GABRB2: variants seen among roughly 807,000 people sequenced by gnomAD.
GABRB2 encodes gamma-aminobutyric acid receptor subunit beta-2.
In GABRB2, 16 loss-of-function variants were observed where a neutral mutation model predicts 54.7. The ratio of observed to expected loss-of-function variants is 0.29; its 90% CI spans 0.20 to 0.44. The LOEUF is 0.44. Among genes scored for constraint, GABRB2 ranks in the 20% least tolerant of loss-of-function variants. GABRB2 has a pLI of 1.00. For missense variants in GABRB2, 355 were observed against 644.0 expected, an observed-to-expected ratio of 0.55 and a Z score of 4.86; for synonymous variants, 244 against 233.8, an observed-to-expected ratio of 1.04 and a Z score of -0.40.
rs189627718 is a variant in GABRB2 at position 161,484,438 on chromosome 5, C to T, written c.238-24594G>A. ...CACTTCTCCACTGAGAAATGACCCACCTTTCAAGTACAAAAGTGGAGCAAA... is the reference window on the plus strand; with the variant it reads ...CACTTCTCCACTGAGAAATGACCCATCTTTCAAGTACAAAAGTGGAGCAAA... On this transcript the variant is annotated intron_variant, in intron 3 of 9. Transcript: ENST00000393959. 3.9e-4 allele frequency among the ~76,000 whole-genome samples: 59 copies of T among 152,030 alleles called. 2 individuals carry two copies. The highest frequency in any genetic ancestry group is 3.8e-3 in the Admixed American group (58 of 15,236).
intron 3 of GABRB2, among the ~76,000 whole-genome samples, chr5:161,481,760 G>T (rs1443724927): frequency 6.6e-6 from 1 of 151,952 alleles, no homozygotes; most frequent in Non-Finnish European, 1.5e-5. Context: ...CACAAGCTTT[G>T]AAGGCAGAGT....
intron 8 of GABRB2, 21 bp from the exon 9 acceptor site, chr5:161,326,502 T>C (rs1758367683): frequency 1.2e-6 from 2 of 1,610,752 alleles, no homozygotes; most frequent in Non-Finnish European, 1.7e-6. Flanking sequence ...AAGTAGAGAA[T>C]GTGCTAATTA....
rs570770486 is a variant in GABRB2 at position 161,444,772 on chromosome 5, T to A, written c.458+14852A>T. On this transcript the variant is annotated intron_variant, in intron 4 of 9. Coordinates refer to ENST00000393959, the MANE Select transcript of GABRB2 (RefSeq NM_001371727.1). Reference sequence around the variant, plus strand: ...TTTCTACTAGATGGGACAATCAGATTTTTTTCACCTCATTTAAACATAATA... The same window carrying A: ...TTTCTACTAGATGGGACAATCAGATATTTTTCACCTCATTTAAACATAATA... Among the ~76,000 whole-genome samples the A allele has an allele frequency of 3.3e-5, 5 of 152,274 alleles. No homozygotes were observed. The East Asian group carries it at 9.7e-4, about 29-fold the overall frequency.
intron 3 of GABRB2, among the ~76,000 whole-genome samples, chr5:161,539,701 T>G (rs1760753556): frequency 6.6e-6 from 1 of 152,244 alleles, no homozygotes; most frequent in Middle Eastern, 3.4e-3. Flanking sequence ...ACCAATAAAC[T>G]TACATGAAGG....
At chr5:161,544,031 A>T (rs1381187458) in intron 3 of GABRB2, among the ~76,000 whole-genome samples, 1 of 152,148 alleles carries the variant, frequency 6.6e-6, no homozygotes, top group Non-Finnish European at 1.5e-5. Flanking sequence ...AAATCTCGGG[A>T]TTATCTCTTA....
At chr5:161,314,095 T>G (rs1757955124) in intron 9 of GABRB2, among the ~76,000 whole-genome samples, 1 of 152,234 alleles carries the variant, frequency 6.6e-6, no homozygotes, top group African/African-American at 2.4e-5. Flanking sequence ...ACCAACATTT[T>G]CCACTAAACA....
chr5:161,413,450 T>G lies in GABRB2; in HGVS notation c.459-2393A>C, dbSNP rs952008273. On this transcript the variant is annotated intron_variant, in intron 4 of 9. Transcript: ENST00000393959. ...CCAAATTCTTATATTCTATAAATTC[T>G]ATTAAAAGTTACATTCGCATTTTAT... Among the ~76,000 whole-genome samples, 28 of 152,194 alleles carry G rather than the reference T, an allele frequency of 1.8e-4. 1 individual carries two copies. Among genetic ancestry groups the G allele is most frequent in the African/African-American group, 6.8e-4 (28 of 41,458 alleles).
intron 4 of GABRB2, among the ~76,000 whole-genome samples, chr5:161,418,827 A>G (rs1241931050): frequency 6.6e-6 from 1 of 152,198 alleles, no homozygotes; most frequent in Admixed American, 6.5e-5. Flanking sequence ...TGGGCAAAAG[A>G]TATTAACAGA....
At chr5:161,380,865 T>TG (rs1755445354) in intron 5 of GABRB2, among the ~76,000 whole-genome samples, 1 of 148,434 alleles carries the variant, frequency 6.7e-6, no homozygotes, top group East Asian at 2.0e-4. Context: ...TTTACAAGGG[T>TG]AAAAAAAAAA....
chr5:161,426,884 AAAG>A (rs1238894061), intron 4 of GABRB2, among the ~76,000 whole-genome samples: 1 of 152,166 alleles, frequency 6.6e-6, no homozygotes, highest in Non-Finnish European at 1.5e-5. Context: ...AGCTATTAGA[AAAG>A]AAGATGTGTA....
At chr5:161,480,173 T>C (rs1758719610) in intron 3 of GABRB2, among the ~76,000 whole-genome samples, 1 of 151,910 alleles carries the variant, frequency 6.6e-6, no homozygotes, top group Non-Finnish European at 1.5e-5. Context: ...GCCCCCAAAA[T>C]GGAAATGGAT....
At chr5:161,457,506 C>T (rs1358545058) in intron 4 of GABRB2, among the ~76,000 whole-genome samples, 1 of 148,316 alleles carries the variant, frequency 6.7e-6, no homozygotes, top group Non-Finnish European at 1.5e-5. Context: ...AGTGCAGTGG[C>T]GCGATCTCGG....
intron 7 of GABRB2, 40 bp downstream of exon 7, chr5:161,334,712 C>T (rs1482145053): frequency 5.0e-6 from 8 of 1,607,062 alleles, no homozygotes; most frequent in South Asian, 1.1e-5. Context: ...GAAATGTACA[C>T]ACAGAGTCAA....
chr5:161,410,813 A>G (rs1366974291), intron 5 of GABRB2, among the ~76,000 whole-genome samples, 162 bp downstream of exon 5: 1 of 152,210 alleles, frequency 6.6e-6, no homozygotes, highest in Non-Finnish European at 1.5e-5. Flanking sequence ...GGGTGGCAGC[A>G]TAACTGAGAA....
rs182777382 is a variant in GABRB2 at position 161,399,452 on chromosome 5, C to T, written c.541+11523G>A. Among the ~76,000 whole-genome samples, 203 of 152,250 alleles carry T rather than the reference C, an allele frequency of 1.3e-3. 1 individual carries two copies. Among genetic ancestry groups the T allele is most frequent in the Admixed American group, 1.9e-3 (29 of 15,298 alleles). ...GAGAGAGAAGTATGGCACAGAACAT[C>T]CGTTGTGCTAATACAGACTACATGA... On this transcript the variant is annotated intron_variant, in intron 5 of 9. Transcript: ENST00000393959.
At chr5:161,340,268 G>A (rs1754119592) in intron 5 of GABRB2, among the ~76,000 whole-genome samples, 1 of 152,020 alleles carries the variant, frequency 6.6e-6, no homozygotes, top group Non-Finnish European at 1.5e-5. Flanking sequence ...AAATGACAGT[G>A]TTTGCTAGGC....
chr5:161,482,605 C>T (rs542085482), intron 3 of GABRB2, among the ~76,000 whole-genome samples: 89 of 151,970 alleles, frequency 5.9e-4, no homozygotes, highest in Non-Finnish European at 9.3e-4. Context: ...AAAGGTGATA[C>T]CTCAAAGGCA....
chr5:161,501,030 T>G (rs971295363), intron 3 of GABRB2, among the ~76,000 whole-genome samples: 1 of 150,314 alleles, frequency 6.7e-6, no homozygotes, highest in African/African-American at 2.5e-5. Flanking sequence ...TTCCCCTTCC[T>G]GTGTCCATGT....
chr5:161,389,883 T>A (rs1305003477), intron 5 of GABRB2, among the ~76,000 whole-genome samples: 1 of 151,958 alleles, frequency 6.6e-6, no homozygotes, highest in Admixed American at 6.6e-5. Flanking sequence ...TCAGAAATTA[T>A]GAGCTGTGCA....
Sources: allele counts gnomAD v4.1 joint callset (sites outside exome capture counted in the v4.1 genomes callset), GRCh38; gene constraint gnomAD v4.1.1; transcripts MANE v1.5; gene names NCBI Gene and HGNC (gene_info 2026-07-23, HGNC 2026-07-21).